PIK3C3: variants seen among roughly 807,000 people sequenced by gnomAD.
PIK3C3 encodes phosphatidylinositol 3-kinase catalytic subunit type 3.
Under a neutral mutation model 126.1 loss-of-function variants are expected in PIK3C3, and 95 were observed. The ratio of observed to expected loss-of-function variants is 0.75; its 90% CI spans 0.64 to 0.89. The LOEUF (loss-of-function observed/expected upper bound fraction) is 0.89, where lower values mean the gene tolerates loss of function less well. PIK3C3 is among the 40% of genes least tolerant of loss of function. The pLI is 0.00. For missense variants in PIK3C3, 829 were observed against 1,063.2 expected (o/e 0.78, Z 3.06); for synonymous variants, 374 against 360.0 (o/e 1.04, Z -0.44).
At chr18:41,972,865 C>T (rs1399616665) in intron 4 of PIK3C3, among the ~76,000 whole-genome samples, 1 of 151,810 alleles carries the variant, frequency 6.6e-6, no homozygotes. Flanking sequence ...GTTGTATATC[C>T]CAGCTGCTAT....
rs138780707 is a variant in PIK3C3 at position 41,978,268 on chromosome 18, A to G, written c.531+7812A>G. Among the ~76,000 whole-genome samples, 467 of 152,294 alleles carry G rather than the reference A, an allele frequency of 3.1e-3. 4 individuals carry two copies. The highest frequency in any genetic ancestry group is 0.018 in the South Asian group (86 of 4,824). On this transcript the variant is annotated intron_variant, in intron 4 of 24. Coordinates refer to ENST00000262039, the MANE Select transcript of PIK3C3 (RefSeq NM_002647.4). Reference sequence around the variant, plus strand: ...CCATGCTGGACCTCTAGGCTAATTTACACCACTATAAAAGAAGTGATTAAT... The same window carrying G: ...CCATGCTGGACCTCTAGGCTAATTTGCACCACTATAAAAGAAGTGATTAAT...
intron 22 of PIK3C3, among the ~76,000 whole-genome samples, chr18:42,063,749 T>C (rs962404932): frequency 2.6e-5 from 4 of 152,240 alleles, no homozygotes. Context: ...TTATTATTAT[T>C]ATCATTATAG....
intron 23 of PIK3C3, among the ~76,000 whole-genome samples, chr18:42,066,559 C>T (rs952200338): frequency 3.3e-5 from 5 of 152,106 alleles, no homozygotes; most frequent in African/African-American, 1.2e-4. Context: ...TTCGTGAATT[C>T]TCTGTGCCTC....
Position 42,027,443 on chromosome 18 carries a change from G to T in PIK3C3, c.1485G>T (p.Trp495Cys), listed in dbSNP as rs780169040. Reference sequence around the variant, plus strand: ...ATGAATGGCTCAAACTATTTTTAAGGTATGTGATAGTGGAATGTGAAGATC... The same window carrying T: ...ATGAATGGCTCAAACTATTTTTAAGTTATGTGATAGTGGAATGTGAAGATC... ...KNSTLANYLY[W>C]YVIVECEDQD... Residue 495 changes from tryptophan (W) to cysteine (C), a missense_variant and splice_region_variant, in exon 14 of 25, where the codon TGG (tryptophan) becomes TGT (cysteine). Around this residue, in one of 4 missense-constraint regions of PIK3C3, gnomAD observed 256 missense variants for 291.0 expected, o/e 0.88. Coordinates refer to ENST00000262039, the MANE Select transcript of PIK3C3 (RefSeq NM_002647.4). The T allele has an allele frequency of 1.9e-6, 3 of 1,568,046 alleles. No individual in the cohort carries two copies. Among genetic ancestry groups the T allele is most frequent in the Admixed American group, 1.7e-5 (1 of 59,024 alleles).
At chr18:42,018,766 GTTA>G (rs1912432912) in intron 12 of PIK3C3, among the ~76,000 whole-genome samples, 2 of 151,998 alleles carry the variant, frequency 1.3e-5, no homozygotes, top group African/African-American at 2.4e-5. Flanking sequence ...TGTCATTTTA[GTTA>G]TTATTTTATT....
intron 13 of PIK3C3, among the ~76,000 whole-genome samples, chr18:42,020,947 G>A (rs1983295430): frequency 6.6e-6 from 1 of 152,110 alleles, no homozygotes. Context: ...ACTGGGGAGG[G>A]TAATGGGTAC....
chr18:42,081,313 TTAAA>T lies in PIK3C3; in HGVS notation c.*179_*182del, dbSNP rs1434260158. The T allele has an allele frequency of 1.0e-5, 5 of 486,576 alleles. No homozygotes were observed. Among genetic ancestry groups the T allele is most frequent in the African/African-American group, 9.9e-5 (5 of 50,652 alleles). The allele number at this position is 486,576 out of a possible 1,614,324, so 30.1% of individuals were successfully genotyped here. Reference sequence around the variant, plus strand: ...GTTCTGCTTCCTTGGATGTCATTGCTTAAATATAGTCTTGAAGGGCTTGTTTTGA... The same window carrying T: ...GTTCTGCTTCCTTGGATGTCATTGCTTATAGTCTTGAAGGGCTTGTTTTGA... On this transcript the variant is annotated 3_prime_UTR_variant, in exon 25 of 25. Coordinates refer to ENST00000262039, the MANE Select transcript of PIK3C3 (RefSeq NM_002647.4).
rs1211995053 is a variant in PIK3C3 at position 42,015,497 on chromosome 18, C to G, written c.1347C>G (p.Pro449=). 4 of 1,613,570 alleles carry G rather than the reference C, an allele frequency of 2.5e-6. No homozygotes were observed. Among genetic ancestry groups the G allele is most frequent in the Non-Finnish European group, 3.4e-6 (4 of 1,179,756 alleles). Residue 449 remains proline, a synonymous_variant, in exon 12 of 25, where the codon CCC becomes CCG. Coordinates refer to ENST00000262039, the MANE Select transcript of PIK3C3 (RefSeq NM_002647.4). The stretch of plus-strand genomic sequence containing the variant: ...TCAGCTCCCAAATTATAACCAGCCC[C>G]CTTCCTTCAGTCTCTTCACCTCCTC... ...EIDSSQIITS[P]LPSVSSPPPA...
intron 2 of PIK3C3, 60 bp downstream of exon 2, chr18:41,957,818 C>A: frequency 7.8e-7 from 1 of 1,283,830 alleles, no homozygotes; most frequent in Non-Finnish European, 1.1e-6. Flanking sequence ...TTTATGGATG[C>A]TGCAAGTATA....
chr18:41,996,199 T>G (rs980799447), intron 8 of PIK3C3, among the ~76,000 whole-genome samples: 5 of 152,196 alleles, frequency 3.3e-5, no homozygotes, highest in African/African-American at 1.2e-4. Flanking sequence ...GAGACAGAAC[T>G]GCATATACTG....
chr18:42,058,195 T>A, intron 22 of PIK3C3, 144 bp downstream of exon 22: 1 of 594,604 alleles, frequency 1.7e-6, no homozygotes, highest in Non-Finnish European at 2.7e-6. Context: ...ATCTTACATT[T>A]AATACCAATT....
At position 42,081,373 on chromosome 18, in the gene PIK3C3, A is replaced by G; in HGVS notation, c.*236A>G. The stretch of plus-strand genomic sequence containing the variant: ...TGTATATATTTTTTCAAATGTATAC[A>G]TTGTTAATAAATTAAGAAATGAGAA... On this transcript the variant is annotated 3_prime_UTR_variant, in exon 25 of 25. Transcript: ENST00000262039. 2.6e-6 allele frequency: 1 copy of G among 392,124 alleles called. No individual in the cohort carries two copies. The highest frequency in any genetic ancestry group is 4.6e-6 in the Non-Finnish European group (1 of 217,442). 24.3% of individuals were successfully genotyped at this position (392,124 alleles called of 1,614,324 possible).
chr18:42,064,857 A>C (rs1985470322), intron 23 of PIK3C3, 27 bp downstream of exon 23: 1 of 1,177,534 alleles, frequency 8.5e-7, no homozygotes, highest in Non-Finnish European at 1.3e-6. Context: ...ATAAATGAAG[A>C]GCTCTTCTGT....
intron 5 of PIK3C3, among the ~76,000 whole-genome samples, chr18:41,988,557 A>G (rs1272707779): frequency 1.3e-5 from 2 of 152,172 alleles, no homozygotes; most frequent in Non-Finnish European, 2.9e-5. Flanking sequence ...AGAGAAGGAC[A>G]TCAATTTGTG....
At chr18:41,979,639 T>G (rs1981097250) in intron 4 of PIK3C3, among the ~76,000 whole-genome samples, 1 of 152,098 alleles carries the variant, frequency 6.6e-6, no homozygotes, top group Non-Finnish European at 1.5e-5. Context: ...AATGAAGGCA[T>G]TATGTTTTAT....
At chr18:41,980,713 TA>T (rs879919071) in intron 4 of PIK3C3, among the ~76,000 whole-genome samples, 1 of 151,882 alleles carries the variant, frequency 6.6e-6, no homozygotes, top group Non-Finnish European at 1.5e-5. Flanking sequence ...ATGACTATAG[TA>T]AAAATAATCT....
Position 41,970,370 on chromosome 18 carries a change from G to A in PIK3C3, c.445G>A (p.Val149Ile). ...GMHDLKVWPN[V>I]EADGSEPTKT... ...GCATGACTTGAAAGTCTGGCCTAAT[G>A]TAGAAGCAGATGGATCAGAACCCAC... Residue 149 changes from valine to isoleucine, a missense_variant, in exon 4 of 25, where the codon GTA becomes ATA. Physicochemically the swap from Val to Ile is conservative, Grantham distance 29. Transcript: ENST00000262039. 1 of 1,613,326 alleles carries A rather than the reference G, an allele frequency of 6.2e-7. No homozygotes were observed. Among genetic ancestry groups the A allele is most frequent in the Non-Finnish European group, 8.5e-7 (1 of 1,179,370 alleles).
chr18:42,024,873 G>A (rs62082286), intron 13 of PIK3C3, among the ~76,000 whole-genome samples: 2 of 150,574 alleles, frequency 1.3e-5, no homozygotes, highest in Non-Finnish European at 3.0e-5. Context: ...GTGCCATCTC[G>A]GCTCACTGCA....
At chr18:41,972,519 G>C (rs1208635081) in intron 4 of PIK3C3, among the ~76,000 whole-genome samples, 1 of 152,086 alleles carries the variant, frequency 6.6e-6, no homozygotes, top group Non-Finnish European at 1.5e-5. Context: ...GCAGCTTACA[G>C]TCCTCCTGAT....
Sources: allele counts gnomAD v4.1 joint callset (sites outside exome capture counted in the v4.1 genomes callset), GRCh38; gene constraint gnomAD v4.1.1; regional missense constraint gnomAD v4.1.1; transcripts MANE v1.5; gene names NCBI Gene and HGNC (gene_info 2026-07-23, HGNC 2026-07-21).